Variants in GRID1 observed in about 807,000 individuals in gnomAD.
GRID1 encodes the protein glutamate receptor ionotropic, delta-1.
A neutral mutation model predicts 98.0 loss-of-function variants in GRID1; 28 were observed. The observed-to-expected ratio is 0.29, with a 90% CI of 0.21 to 0.39. The LOEUF is 0.39. Among genes scored for constraint, GRID1 ranks in the 10% least tolerant of loss-of-function variants. The pLI, the probability that GRID1 is intolerant of heterozygous loss-of-function variation, is 1.00. For synonymous variants in GRID1, 553 were observed against 538.5 expected, an observed-to-expected ratio of 1.03 and a Z score of -0.37; for missense variants, 1,111 against 1,340.5, an observed-to-expected ratio of 0.83 and a Z score of 2.67.
chr10:85,795,111 G>A (rs552903642), intron 8 of GRID1, among the ~76,000 whole-genome samples: 2 of 152,302 alleles, frequency 1.3e-5, no homozygotes, highest in South Asian at 4.1e-4. Context: ...GATATGGATC[G>A]AGAAATATAA....
intron 6 of GRID1, among the ~76,000 whole-genome samples, chr10:85,863,627 C>T (rs948338187): frequency 6.6e-6 from 1 of 152,112 alleles, no homozygotes; most frequent in East Asian, 1.9e-4. Flanking sequence ...AGCATATAAA[C>T]CCCCCATGAA....
intron 4 of GRID1, among the ~76,000 whole-genome samples, chr10:85,963,714 T>C (rs1842300884): frequency 6.6e-6 from 1 of 152,234 alleles, no homozygotes; most frequent in African/African-American, 2.4e-5. Flanking sequence ...CTACATTCCT[T>C]GAGCCATTAC....
At chr10:86,066,394 A>G (rs1843720737) in intron 4 of GRID1, among the ~76,000 whole-genome samples, 1 of 152,176 alleles carries the variant, frequency 6.6e-6, no homozygotes, top group African/African-American at 2.4e-5. Context: ...AGAATTTTCC[A>G]ATGGGCTGTG....
chr10:86,146,833 T>C (rs911673339), intron 3 of GRID1, among the ~76,000 whole-genome samples: 1 of 152,286 alleles, frequency 6.6e-6, no homozygotes, highest in Admixed American at 6.5e-5. Flanking sequence ...GTACCTCCTA[T>C]TGCCAGAATG....
intron 5 of GRID1, among the ~76,000 whole-genome samples, chr10:85,887,201 G>A (rs562241130): frequency 4.7e-4 from 71 of 152,294 alleles, no homozygotes; most frequent in Non-Finnish European, 9.4e-4. Flanking sequence ...AGACCACCTA[G>A]GGCAAGGCAG....
chr10:86,285,217 C>T (rs1011191820), intron 2 of GRID1, among the ~76,000 whole-genome samples: 1 of 152,124 alleles, frequency 6.6e-6, no homozygotes, highest in African/African-American at 2.4e-5. Flanking sequence ...CCCTGCTTCC[C>T]CTGAGCCAGG....
At chr10:85,823,195 GA>G (rs965691135) in intron 8 of GRID1, among the ~76,000 whole-genome samples, 12 of 150,454 alleles carry the variant, frequency 8.0e-5, no homozygotes, top group South Asian at 2.1e-4. Flanking sequence ...AATAAAAAAA[GA>G]AAAAAAAAGT....
intron 2 of GRID1, among the ~76,000 whole-genome samples, chr10:86,256,490 T>C (rs980612338): frequency 2.0e-5 from 3 of 152,012 alleles, no homozygotes; most frequent in Admixed American, 1.3e-4. Context: ...TTAAATGTCG[T>C]CATGTCCCCA....
rs370562437 is a variant in GRID1, at chr10:85,782,356, T to C, written c.1234-52742A>G. Among the ~76,000 whole-genome samples, 9 of 152,346 alleles carry C rather than the reference T, an allele frequency of 5.9e-5. No homozygotes were observed. In the South Asian group the frequency reaches 1.2e-3, roughly 21 times the overall value. On this transcript the variant is annotated intron_variant, in intron 8 of 15. Coordinates refer to ENST00000327946, the MANE Select transcript of GRID1 (RefSeq NM_017551.3). ...GATCTCTGTAGGACGGGCAGTATCA[T>C]TGTCTACTGACAGCTTGAAAACAGA...
At chr10:85,965,266 T>C (rs1842322007) in intron 4 of GRID1, among the ~76,000 whole-genome samples, 1 of 152,164 alleles carries the variant, frequency 6.6e-6, no homozygotes, top group Non-Finnish European at 1.5e-5. Flanking sequence ...TACCATTTGA[T>C]CCAGCAATCC....
intron 8 of GRID1, among the ~76,000 whole-genome samples, chr10:85,818,884 A>T (rs1458308877): frequency 2.6e-5 from 4 of 151,950 alleles, no homozygotes; most frequent in Admixed American, 2.6e-4. Context: ...CACCTGGATA[A>T]TTTTTTTGTA....
intron 13 of GRID1, among the ~76,000 whole-genome samples, chr10:85,629,201 T>A (rs1462570091): frequency 3.3e-5 from 5 of 152,114 alleles, no homozygotes; most frequent in African/African-American, 9.7e-5. Flanking sequence ...AGGCCACCAA[T>A]CCCTTTTTTT....
At chr10:85,698,268 C>T (rs1042045737) in intron 12 of GRID1, among the ~76,000 whole-genome samples, 1 of 152,148 alleles carries the variant, frequency 6.6e-6, no homozygotes, top group Non-Finnish European at 1.5e-5. Context: ...ACATGCAAAA[C>T]GGCAATGATC....
intron 12 of GRID1, among the ~76,000 whole-genome samples, chr10:85,684,004 T>TA (rs1218289269): frequency 2.0e-5 from 3 of 152,172 alleles, no homozygotes; most frequent in Non-Finnish European, 4.4e-5. Flanking sequence ...AAATTATGTA[T>TA]AAAAATTCCA....
chr10:85,708,121 A>T (rs1207588450), intron 12 of GRID1, among the ~76,000 whole-genome samples: 5 of 130,934 alleles, frequency 3.8e-5, no homozygotes, highest in Admixed American at 7.9e-5. Context: ...AATAAAAAAA[A>T]AAAAAAAAAA....
At chr10:85,778,868 C>A (rs1282523647) in intron 8 of GRID1, among the ~76,000 whole-genome samples, 2 of 151,984 alleles carry the variant, frequency 1.3e-5, no homozygotes, top group African/African-American at 4.8e-5. Flanking sequence ...CAAAATGGGG[C>A]CAATATCAGT....
At chr10:86,287,330 G>C (rs1050871228) in intron 2 of GRID1, among the ~76,000 whole-genome samples, 4 of 152,134 alleles carry the variant, frequency 2.6e-5, no homozygotes, top group African/African-American at 9.7e-5. Flanking sequence ...ACTAAAAGTT[G>C]GGTGCCTACC....
intron 12 of GRID1, among the ~76,000 whole-genome samples, chr10:85,684,089 A>G (rs542388821): frequency 1.1e-3 from 171 of 152,336 alleles, no homozygotes; most frequent in African/African-American, 4.0e-3. Context: ...GAGCCTCACA[A>G]TATGTGCAGA....
intron 4 of GRID1, among the ~76,000 whole-genome samples, chr10:86,079,066 C>T (rs755323727): frequency 2.0e-5 from 3 of 152,206 alleles, no homozygotes; most frequent in Non-Finnish European, 2.9e-5. Flanking sequence ...GCTCATCCCC[C>T]GCACACAGCA....
Sources: allele counts gnomAD v4.1 joint callset (sites outside exome capture counted in the v4.1 genomes callset), GRCh38; gene constraint gnomAD v4.1.1; transcripts MANE v1.5; gene names NCBI Gene and HGNC (gene_info 2026-07-23, HGNC 2026-07-21).